The following CNTNAP2 variants were observed in gnomAD, a reference collection of about 807,000 sequenced individuals.
CNTNAP2 encodes contactin associated protein 2.
A neutral mutation model predicts 155.2 loss-of-function variants in CNTNAP2; 98 were observed. The observed-to-expected ratio is 0.63, with a 90% CI of 0.54 to 0.75. The LOEUF is 0.75. CNTNAP2 is among the 30% of genes least tolerant of loss of function. The pLI is 0.00. For synonymous variants in CNTNAP2, 651 were observed against 631.2 expected, an observed-to-expected ratio of 1.03 and a Z score of -0.47; for missense variants, 1,727 against 1,688.1, an observed-to-expected ratio of 1.02 and a Z score of -0.40.
chr7:146,533,293 C>T (rs1797798524), intron 1 of CNTNAP2, among the ~76,000 whole-genome samples: 2 of 151,972 alleles, frequency 1.3e-5, no homozygotes, highest in Non-Finnish European at 2.9e-5. Flanking sequence ...ATTGTATATG[C>T]CCACATAAAT....
chr7:146,975,770 C>T (rs1421693795), intron 3 of CNTNAP2, among the ~76,000 whole-genome samples: 27 of 152,104 alleles, frequency 1.8e-4, no homozygotes, highest in Admixed American at 1.8e-3. Flanking sequence ...GGACATACAC[C>T]TTCCTAGGTA....
intron 17 of CNTNAP2, among the ~76,000 whole-genome samples, chr7:148,157,009 C>T (rs150861141): frequency 3.3e-5 from 5 of 152,282 alleles, no homozygotes; most frequent in Non-Finnish European, 5.9e-5. Context: ...CAAATGGGAA[C>T]GCTTCAGCAA....
intron 11 of CNTNAP2, among the ~76,000 whole-genome samples, chr7:147,540,441 G>T (rs567751751): frequency 6.6e-6 from 1 of 152,128 alleles, no homozygotes; most frequent in African/African-American, 2.4e-5. Flanking sequence ...ATTTAAACAA[G>T]TCTGCCTATA....
intron 16 of CNTNAP2, among the ~76,000 whole-genome samples, chr7:148,121,525 A>G (rs542289556): frequency 1.3e-5 from 2 of 152,230 alleles, no homozygotes; most frequent in African/African-American, 4.8e-5. Context: ...AACTGTCTCT[A>G]TGTTTTTCCC....
At chr7:146,380,973 T>C (rs1270476722) in intron 1 of CNTNAP2, among the ~76,000 whole-genome samples, 1 of 151,130 alleles carries the variant, frequency 6.6e-6, no homozygotes, top group East Asian at 2.0e-4. Context: ...TAATTTTTTG[T>C]ATTTTTAGTA....
rs796549593 is a variant in CNTNAP2, at chr7:146,817,689, CACTTTTAAACA to C, written c.209-22019_209-22009del. 2.0e-4 allele frequency among the ~76,000 whole-genome samples: 30 copies of C among 152,052 alleles called. No homozygotes were observed. The South Asian group carries it at 3.5e-3, about 18-fold the overall frequency. The stretch of plus-strand genomic sequence containing the variant: ...AGAGGAAGGGCAGGGAGATGCTACT[CACTTTTAAACA>C]ACCAGATCTCGTGAGAACTCCCTCA... On this transcript the variant is annotated intron_variant, in intron 2 of 23. Coordinates refer to ENST00000361727, the MANE Select transcript of CNTNAP2 (RefSeq NM_014141.6).
At chr7:147,535,266 C>G (rs374572969) in intron 11 of CNTNAP2, among the ~76,000 whole-genome samples, 24 of 152,186 alleles carry the variant, frequency 1.6e-4, no homozygotes, top group African/African-American at 5.1e-4. Flanking sequence ...ATGGCGGGCC[C>G]CTGTAATCCC....
intron 1 of CNTNAP2, among the ~76,000 whole-genome samples, chr7:146,608,647 T>C (rs1397617022): frequency 6.6e-6 from 1 of 152,200 alleles, no homozygotes; most frequent in Non-Finnish European, 1.5e-5. Context: ...GAATTGTCTT[T>C]TTGTGCTACT....
intron 11 of CNTNAP2, among the ~76,000 whole-genome samples, chr7:147,506,527 T>C (rs1798909598): frequency 6.6e-6 from 1 of 152,224 alleles, no homozygotes; most frequent in Admixed American, 6.5e-5. Flanking sequence ...AATGCTGGGA[T>C]TACAGGCGTG....
At chr7:147,744,547 A>T (rs1797006545) in intron 13 of CNTNAP2, among the ~76,000 whole-genome samples, 1 of 152,210 alleles carries the variant, frequency 6.6e-6, no homozygotes, top group Non-Finnish European at 1.5e-5. Flanking sequence ...CTCTGAGAAA[A>T]CATCATCTGT....
At chr7:147,062,532 A>G (rs1457667539) in intron 4 of CNTNAP2, among the ~76,000 whole-genome samples, 2 of 152,192 alleles carry the variant, frequency 1.3e-5, no homozygotes, top group Non-Finnish European at 2.9e-5. Flanking sequence ...CTAAATGGGT[A>G]TATTTGAGAT....
chr7:146,800,473 T>C (rs1476806815), intron 2 of CNTNAP2, among the ~76,000 whole-genome samples: 3 of 152,256 alleles, frequency 2.0e-5, no homozygotes, highest in Non-Finnish European at 4.4e-5. Context: ...TTTTTCTTTC[T>C]GTTGGGCATT....
At chr7:146,875,962 CAAAA>C (rs1166787106) in intron 3 of CNTNAP2, among the ~76,000 whole-genome samples, 30 of 74,920 alleles carry the variant, frequency 4.0e-4, no homozygotes, top group Admixed American at 4.4e-4. Flanking sequence ...AAAAAAAAAA[CAAAA>C]AACAAAAAAA....
chr7:147,379,020 A>C (rs975462910), intron 9 of CNTNAP2, among the ~76,000 whole-genome samples: 1 of 151,976 alleles, frequency 6.6e-6, no homozygotes, highest in Non-Finnish European at 1.5e-5. Context: ...AGTTCTCACG[A>C]CATCTGATGG....
intron 13 of CNTNAP2, among the ~76,000 whole-genome samples, chr7:147,667,502 A>G (rs1795715137): frequency 6.6e-6 from 1 of 152,140 alleles, no homozygotes; most frequent in African/African-American, 2.4e-5. Context: ...CTGCTGGTAA[A>G]CTAGAGGAGC....
chr7:147,487,864 C>G (rs1042283871), intron 11 of CNTNAP2, among the ~76,000 whole-genome samples: 5 of 152,152 alleles, frequency 3.3e-5, no homozygotes, highest in African/African-American at 1.2e-4. Context: ...TTTTGTTCTG[C>G]TGCTCCTTCC....
intron 1 of CNTNAP2, among the ~76,000 whole-genome samples, chr7:146,510,317 G>A (rs552672019): frequency 1.4e-4 from 22 of 152,316 alleles, no homozygotes; most frequent in South Asian, 6.2e-4. Flanking sequence ...CTGCTGTGTC[G>A]TGCTGTACTG....
At chr7:147,496,911 G>A (rs1327230818) in intron 11 of CNTNAP2, 1 of 151,906 alleles carries the variant, frequency 6.6e-6, no homozygotes, top group African/African-American at 2.4e-5. Context: ...GCAAAAGAAT[G>A]CTACAAAAAT....
chr7:146,441,546 G>T (rs991643568), intron 1 of CNTNAP2, among the ~76,000 whole-genome samples: 2 of 151,400 alleles, frequency 1.3e-5, no homozygotes, highest in Non-Finnish European at 2.9e-5. Flanking sequence ...TCCATCCATG[G>T]ATGTCAGTGT....
Sources: gnomAD v4.1 joint callset for allele counts (sites outside exome capture counted in the v4.1 genomes callset) on GRCh38, gnomAD v4.1.1 for gene constraint, MANE v1.5 for transcripts, NCBI Gene and HGNC (gene_info 2026-07-23, HGNC 2026-07-21) for gene names.